Variants in GPC6 observed in about 807,000 individuals in gnomAD.
GPC6 encodes the protein glypican 6.
Under a neutral mutation model 55.2 loss-of-function variants are expected in GPC6, and 14 were observed. The observed-to-expected ratio is 0.25, with a 90% CI of 0.17 to 0.40. The LOEUF is 0.40. Among genes scored for constraint, GPC6 ranks in the 10% least tolerant of loss-of-function variants. GPC6 has a pLI of 1.00. For missense variants in GPC6, 641 were observed against 708.5 expected (o/e 0.90, Z 1.08); for synonymous variants, 278 against 259.6 (o/e 1.07, Z -0.68).
chr13:94,227,313 T>C (rs1329552054), intron 4 of GPC6, among the ~76,000 whole-genome samples: 3 of 152,130 alleles, frequency 2.0e-5, no homozygotes, highest in Non-Finnish European at 4.4e-5. Flanking sequence ...GTGTCTGTAA[T>C]CTATGTAAAC....
chr13:93,929,826 C>G (rs1282409604), intron 3 of GPC6, among the ~76,000 whole-genome samples: 1 of 145,122 alleles, frequency 6.9e-6, no homozygotes, highest in African/African-American at 2.6e-5. Flanking sequence ...GAAAGAGGAA[C>G]AGAGAGGAAG....
chr13:93,676,148 T>A (rs1270730752), intron 2 of GPC6, among the ~76,000 whole-genome samples: 6 of 13,940 alleles, frequency 4.3e-4, no homozygotes, highest in Non-Finnish European at 7.3e-4. Flanking sequence ...TATATATATA[T>A]ATATATATAT....
intron 3 of GPC6, among the ~76,000 whole-genome samples, chr13:93,969,037 G>A (rs961670819): frequency 6.6e-6 from 1 of 152,122 alleles, no homozygotes; most frequent in African/African-American, 2.4e-5. Flanking sequence ...AAACCCTTGG[G>A]ATGCCTTGAT....
chr13:94,374,088 C>T (rs954897171), intron 6 of GPC6, among the ~76,000 whole-genome samples: 14 of 152,066 alleles, frequency 9.2e-5, no homozygotes, highest in East Asian at 7.7e-4. Context: ...AAGGAACAAC[C>T]GATACCAGCC....
intron 3 of GPC6, among the ~76,000 whole-genome samples, chr13:93,861,960 C>G (rs2139027263): frequency 6.6e-6 from 1 of 151,766 alleles, no homozygotes. Context: ...CTGCCCTGAG[C>G]TGCTGCTAGG....
At chr13:93,664,733 T>G (rs1235498921) in intron 2 of GPC6, among the ~76,000 whole-genome samples, 1 of 152,146 alleles carries the variant, frequency 6.6e-6, no homozygotes, top group Admixed American at 6.5e-5. Context: ...TTCTCCTGCC[T>G]CAGCCTCCTG....
intron 3 of GPC6, among the ~76,000 whole-genome samples, chr13:93,928,666 A>T (rs1337715605): frequency 6.6e-6 from 1 of 152,178 alleles, no homozygotes; most frequent in African/African-American, 2.4e-5. Flanking sequence ...AACCAAAGCC[A>T]GTACTCATTT....
intron 1 of GPC6, among the ~76,000 whole-genome samples, chr13:93,326,546 C>T (rs1022221675): frequency 6.6e-6 from 1 of 152,160 alleles, no homozygotes; most frequent in Admixed American, 6.5e-5. Context: ...TGGGGAGTAG[C>T]TGCATATGTG....
At chr13:93,696,579 C>T (rs1882462258) in intron 2 of GPC6, among the ~76,000 whole-genome samples, 1 of 149,678 alleles carries the variant, frequency 6.7e-6, no homozygotes, top group Non-Finnish European at 1.5e-5. Context: ...AAACAAACAA[C>T]AGCAACAAAA....
intron 1 of GPC6, among the ~76,000 whole-genome samples, chr13:93,480,012 G>T (rs1021434859): frequency 6.6e-6 from 1 of 152,118 alleles, no homozygotes; most frequent in Admixed American, 6.6e-5. Flanking sequence ...GATAAGAGTT[G>T]CATTTTAGAA....
chr13:93,442,583 A>G (rs1330476993), intron 1 of GPC6, among the ~76,000 whole-genome samples: 1 of 152,226 alleles, frequency 6.6e-6, no homozygotes, highest in Non-Finnish European at 1.5e-5. Flanking sequence ...GTATTCTTCC[A>G]CTAGGAGCTT....
chr13:94,275,249 A>G (rs753243174), intron 4 of GPC6, among the ~76,000 whole-genome samples: 41 of 152,190 alleles, frequency 2.7e-4, no homozygotes, highest in African/African-American at 5.5e-4. Flanking sequence ...ACAAATATAC[A>G]TATAATAAGT....
intron 2 of GPC6, among the ~76,000 whole-genome samples, chr13:93,692,193 G>A (rs1053104518): frequency 6.6e-6 from 1 of 151,952 alleles, no homozygotes; most frequent in Non-Finnish European, 1.5e-5. Context: ...AATAAGATGC[G>A]ACCTGAAATT....
At chr13:94,282,292 A>G (rs1293318689) in intron 4 of GPC6, among the ~76,000 whole-genome samples, 1 of 152,188 alleles carries the variant, frequency 6.6e-6, no homozygotes, top group Non-Finnish European at 1.5e-5. Context: ...CAATCATGGC[A>G]GAAGGGGAAG....
At chr13:94,148,986 C>A (rs2138892162) in intron 4 of GPC6, among the ~76,000 whole-genome samples, 1 of 152,224 alleles carries the variant, frequency 6.6e-6, no homozygotes, top group East Asian at 1.9e-4. Context: ...ATTGAGTAAA[C>A]AGAAATTTCA....
Position 93,809,300 on chromosome 13 carries a change from A to G in GPC6, c.320-20854A>G, listed in dbSNP as rs181536532. Among the ~76,000 whole-genome samples, 79 of 152,332 alleles carry G rather than the reference A, an allele frequency of 5.2e-4. 1 individual carries two copies. Among genetic ancestry groups the G allele is most frequent in the African/African-American group, 1.8e-3 (75 of 41,586 alleles). ...CCATTTCTAATACTGTGAATCAGGA[A>G]GAAGAGAAGTTTACAAAATGTGATT... On this transcript the variant is annotated intron_variant, in intron 2 of 8. Transcript: ENST00000377047.
intron 1 of GPC6, among the ~76,000 whole-genome samples, chr13:93,329,220 C>T (rs1261430147): frequency 2.0e-5 from 3 of 152,104 alleles, no homozygotes; most frequent in Non-Finnish European, 4.4e-5. Flanking sequence ...TCGTGGCAAA[C>T]CTAACTGCCC....
At chr13:93,415,224 A>G (rs948356558) in intron 1 of GPC6, among the ~76,000 whole-genome samples, 8 of 152,140 alleles carry the variant, frequency 5.3e-5, no homozygotes, top group Admixed American at 3.3e-4. Flanking sequence ...GGATTGCGGA[A>G]GCTGATAAAA....
intron 2 of GPC6, among the ~76,000 whole-genome samples, chr13:93,780,141 C>G (rs896779638): frequency 6.6e-6 from 1 of 151,884 alleles, no homozygotes; most frequent in South Asian, 2.1e-4. Flanking sequence ...AGGATGAAAA[C>G]AAATATGGAT....
Sources: allele counts gnomAD v4.1 joint callset (sites outside exome capture counted in the v4.1 genomes callset), GRCh38; gene constraint gnomAD v4.1.1; transcripts MANE v1.5; gene names NCBI Gene and HGNC (gene_info 2026-07-23, HGNC 2026-07-21).